The following KRABD1 variants were observed in gnomAD, a reference collection of about 807,000 sequenced individuals.
KRABD1 encodes KRAB domain-containing protein 1.
the KRABD1 span, among the ~76,000 whole-genome samples, chr3:42,940,850 A>C: frequency 6.6e-6 from 1 of 152,192 alleles, no homozygotes; most frequent in Non-Finnish European, 1.5e-5. Context: ...ATATATACAA[A>C]TTAGGGAGGG....
At chr3:42,942,171 G>A in the KRABD1 span, 3 of 807,474 alleles carry the variant, frequency 3.7e-6, no homozygotes, top group Non-Finnish European at 6.1e-6. Flanking sequence ...GCATCATGGA[G>A]TACACTGGGA....
At chr3:42,941,484 G>A in the KRABD1 span, 187 of 955,042 alleles carry the variant, frequency 2.0e-4, no homozygotes, top group African/African-American at 6.2e-4. Flanking sequence ...ATTGACTTGC[G>A]AAAGGCTTTC....
chr3:42,941,830 TA>T, the KRABD1 span: 1 of 643,172 alleles, frequency 1.6e-6, no homozygotes, highest in Non-Finnish European at 2.8e-6. Flanking sequence ...CTCTTTAGGG[TA>T]CCTCTCGTAT....
At chr3:42,938,806 T>C in the KRABD1 span, 1 of 887,198 alleles carries the variant, frequency 1.1e-6, no homozygotes, top group Non-Finnish European at 1.7e-6. Flanking sequence ...GGACTTATGG[T>C]CAATAAAGTT....
At chr3:42,941,305 T>C in the KRABD1 span, 122 of 1,599,746 alleles carry the variant, frequency 7.6e-5, no homozygotes, top group East Asian at 2.5e-4. Flanking sequence ...GAGAGGGCCT[T>C]GTACAGGGAT....
At chr3:42,940,166 G>A in the KRABD1 span, among the ~76,000 whole-genome samples, 1 of 152,058 alleles carries the variant, frequency 6.6e-6, no homozygotes, top group Non-Finnish European at 1.5e-5. Flanking sequence ...GTGAGGCATG[G>A]GTCAAAGTTC....
At chr3:42,942,630 G>T in the KRABD1 span, 1 of 1,387,370 alleles carries the variant, frequency 7.2e-7, no homozygotes, top group South Asian at 1.5e-5. Context: ...ATGCTGGGAA[G>T]ACAGGAGAAA....
At chr3:42,939,977 C>G in the KRABD1 span, among the ~76,000 whole-genome samples, 293 of 152,244 alleles carry the variant, frequency 1.9e-3, no homozygotes, top group Non-Finnish European at 3.5e-3. Flanking sequence ...TTTTCACTCT[C>G]CTAATGGTAT....
chr3:42,941,761 G>A, the KRABD1 span, among the ~76,000 whole-genome samples: 1 of 152,182 alleles, frequency 6.6e-6, no homozygotes, highest in South Asian at 2.1e-4. Flanking sequence ...CTTCCAGGGT[G>A]TTTCAGGCTT....
the KRABD1 span, chr3:42,937,113 G>A: frequency 3.9e-5 from 6 of 152,280 alleles, no homozygotes; most frequent in East Asian, 5.8e-4. Context: ...TGGAGATGTC[G>A]AAAGATTTCT....
At chr3:42,940,557 C>T in the KRABD1 span, among the ~76,000 whole-genome samples, 20 of 152,312 alleles carry the variant, frequency 1.3e-4, no homozygotes, top group African/African-American at 4.8e-4. Flanking sequence ...CAGAGCTTGA[C>T]TCCAGGGCTT....
chr3:42,937,301 A>G, the KRABD1 span: 1 of 152,034 alleles, frequency 6.6e-6, no homozygotes, highest in Non-Finnish European at 1.5e-5. Flanking sequence ...TTTCATCTCC[A>G]CTTAGCTTTC....
the KRABD1 span, among the ~76,000 whole-genome samples, chr3:42,939,356 A>G: frequency 1.3e-5 from 2 of 152,170 alleles, no homozygotes; most frequent in Non-Finnish European, 2.9e-5. Flanking sequence ...CTTTTGCTCA[A>G]CGTTATGTCT....
chr3:42,941,027 A>G, the KRABD1 span, among the ~76,000 whole-genome samples: 1 of 152,188 alleles, frequency 6.6e-6, no homozygotes, highest in African/African-American at 2.4e-5. Context: ...CTGGGAAAAT[A>G]TGCTGAACTC....
the KRABD1 span, chr3:42,938,084 G>A: frequency 6.6e-6 from 1 of 152,168 alleles, no homozygotes; most frequent in African/African-American, 2.4e-5. Flanking sequence ...TCCTAATGAT[G>A]AACTAATTAA....
the KRABD1 span, chr3:42,937,883 T>TA: frequency 6.6e-6 from 1 of 152,238 alleles, no homozygotes; most frequent in Non-Finnish European, 1.5e-5. Flanking sequence ...CCCTAAGACT[T>TA]ACAGCAAACT....
chr3:42,940,471 G>A, the KRABD1 span, among the ~76,000 whole-genome samples: 2 of 152,142 alleles, frequency 1.3e-5, no homozygotes, highest in African/African-American at 2.4e-5. Flanking sequence ...ACATTCTTTG[G>A]CACTTGGCTC....
chr3:42,940,833 C>T, the KRABD1 span, among the ~76,000 whole-genome samples: 1 of 152,134 alleles, frequency 6.6e-6, no homozygotes, highest in African/African-American at 2.4e-5. Flanking sequence ...CCCAAATAAT[C>T]ACTGGGATAT....
At chr3:42,942,241 G>A in the KRABD1 span, among the ~76,000 whole-genome samples, 10 of 152,190 alleles carry the variant, frequency 6.6e-5, no homozygotes, top group South Asian at 4.2e-4. Context: ...CCTTTAAAGC[G>A]TAGTACACAA....
Sources: allele counts gnomAD v4.1 joint callset (sites outside exome capture counted in the v4.1 genomes callset), GRCh38; gene constraint gnomAD v4.1.1; transcripts MANE v1.5; gene names NCBI Gene and HGNC (gene_info 2026-07-23, HGNC 2026-07-21).